Variants in RBFOX1 observed in about 807,000 individuals in gnomAD.
The protein encoded by RBFOX1 is RNA binding protein fox-1 homolog 1.
In RBFOX1, 8 loss-of-function variants were observed where a neutral mutation model predicts 57.7. That is an observed-to-expected ratio of 0.14 (90% confidence interval 0.08 to 0.25). The LOEUF is 0.25. Ranked by LOEUF, RBFOX1 falls within the 10% of genes least tolerant of loss-of-function variation. RBFOX1 has a pLI of 1.00. For missense variants in RBFOX1, 611 were observed against 548.5 expected (o/e 1.11, Z -1.14); for synonymous variants, 326 against 222.4 (o/e 1.47, Z -4.15).
In RBFOX1 at chr16:6,955,434, C is replaced by T. The variant is rs529238500; in HGVS notation, c.-15-96623C>T. ...GACTTACTGATTAATTTTATGAGAACGTTGTTCTGTGTTCCACTGGTTAGA... is the reference window on the plus strand; with the variant it reads ...GACTTACTGATTAATTTTATGAGAATGTTGTTCTGTGTTCCACTGGTTAGA... On this transcript the variant is annotated intron_variant, in intron 3 of 15. Coordinates refer to ENST00000550418, the MANE Select transcript of RBFOX1 (RefSeq NM_018723.4). 6.6e-5 allele frequency among the ~76,000 whole-genome samples: 10 copies of T among 151,822 alleles called. No individual in the cohort carries two copies. The South Asian group carries it at 2.1e-3, about 32-fold the overall frequency.
intron 4 of RBFOX1, among the ~76,000 whole-genome samples, chr16:7,196,138 G>A (rs1168109666): frequency 6.6e-6 from 1 of 152,032 alleles, no homozygotes; most frequent in Non-Finnish European, 1.5e-5. Flanking sequence ...TTTTTCTAAA[G>A]GAAGTAAAGG....
intron 3 of RBFOX1, among the ~76,000 whole-genome samples, chr16:6,835,980 C>G (rs34883663): frequency 2.6e-5 from 4 of 152,020 alleles, no homozygotes; most frequent in African/African-American, 9.6e-5. Flanking sequence ...AAAGTGTCAT[C>G]TGGTCACATC....
At chr16:6,593,493 G>C (rs976386570) in intron 2 of RBFOX1, among the ~76,000 whole-genome samples, 1 of 152,152 alleles carries the variant, frequency 6.6e-6, no homozygotes, top group Non-Finnish European at 1.5e-5. Context: ...TTGTACTAGA[G>C]GGAGAATTGA....
Position 6,892,929 on chromosome 16 carries a change from C to T in RBFOX1, c.-15-159128C>T, listed in dbSNP as rs553370910. Among the ~76,000 whole-genome samples, 20 of 152,010 alleles carry T rather than the reference C, an allele frequency of 1.3e-4. No homozygotes were observed. In the East Asian group the frequency reaches 1.4e-3, roughly 10 times the overall value. On this transcript the variant is annotated intron_variant, in intron 3 of 15. Transcript: ENST00000550418. Reference sequence around the variant, plus strand: ...AGTCTTTGCTCCTCAGCTATTCTTGCGTGTGTGGCGCTGGCTCCTGCTCTG... The same window carrying T: ...AGTCTTTGCTCCTCAGCTATTCTTGTGTGTGTGGCGCTGGCTCCTGCTCTG...
chr16:6,434,400 G>C (rs893364224), intron 2 of RBFOX1, among the ~76,000 whole-genome samples: 1 of 151,990 alleles, frequency 6.6e-6, no homozygotes, highest in Non-Finnish European at 1.5e-5. Flanking sequence ...GGCCATGAAG[G>C]CTCCTCAGCC....
chr16:7,419,319 C>T (rs949926268), intron 4 of RBFOX1, among the ~76,000 whole-genome samples: 3 of 152,176 alleles, frequency 2.0e-5, no homozygotes, highest in African/African-American at 7.2e-5. Flanking sequence ...CTCCCCTTAG[C>T]TGGGCATCAA....
chr16:7,473,560 G>A (rs1478116443), intron 4 of RBFOX1, among the ~76,000 whole-genome samples: 2 of 150,522 alleles, frequency 1.3e-5, no homozygotes, highest in Non-Finnish European at 1.5e-5. Flanking sequence ...AGTATTTAGC[G>A]AAAGCAGTTT....
intron 3 of RBFOX1, among the ~76,000 whole-genome samples, chr16:5,817,036 C>T (rs996920765): frequency 6.6e-6 from 1 of 152,198 alleles, no homozygotes; most frequent in Non-Finnish European, 1.5e-5. Flanking sequence ...AGGAGATCCA[C>T]CCACCTCCAG....
intron 1 of RBFOX1, among the ~76,000 whole-genome samples, chr16:6,263,800 C>T (rs2097716360): frequency 6.6e-6 from 1 of 152,140 alleles, no homozygotes; most frequent in Non-Finnish European, 1.5e-5. Context: ...ATTGGAAGCA[C>T]CACTCCATCT....
intron 3 of RBFOX1, among the ~76,000 whole-genome samples, chr16:6,808,820 A>T (rs892663067): frequency 6.6e-6 from 1 of 152,078 alleles, no homozygotes; most frequent in African/African-American, 2.4e-5. Flanking sequence ...AATATCTCTA[A>T]TTCATAGAAA....
At chr16:6,072,099 G>C (rs998176257) in intron 1 of RBFOX1, among the ~76,000 whole-genome samples, 17 of 152,170 alleles carry the variant, frequency 1.1e-4, no homozygotes, top group Admixed American at 9.2e-4. Context: ...CATGGCTGAA[G>C]GTGAAGGAGG....
rs966846462 is a variant in RBFOX1 at position 6,857,877 on chromosome 16, C to G, written c.-15-194180C>G. ...GCTCAGTTACCATTTAGCAACCTGT[C>G]AAATCCTGAGCTAATGAGCCTATCC... On this transcript the variant is annotated intron_variant, in intron 3 of 15. Coordinates refer to ENST00000550418, the MANE Select transcript of RBFOX1 (RefSeq NM_018723.4). 2.6e-5 allele frequency among the ~76,000 whole-genome samples: 4 copies of G among 152,166 alleles called. No homozygotes were observed. In the East Asian group the frequency reaches 5.8e-4, roughly 22 times the overall value.
At chr16:5,793,237 G>A (rs1053818468) in intron 3 of RBFOX1, among the ~76,000 whole-genome samples, 2 of 152,208 alleles carry the variant, frequency 1.3e-5, no homozygotes, top group African/African-American at 4.8e-5. Flanking sequence ...GTGCTGACCG[G>A]CTCCTTTTGC....
chr16:6,180,760 T>C (rs2097056781), intron 1 of RBFOX1, among the ~76,000 whole-genome samples: 1 of 152,170 alleles, frequency 6.6e-6, no homozygotes, highest in East Asian at 1.9e-4. Flanking sequence ...GAGATGGGGT[T>C]TCACCGGGTT....
chr16:6,490,787 G>A (rs116806496), intron 2 of RBFOX1, among the ~76,000 whole-genome samples: 1,737 of 152,286 alleles, frequency 0.011, 39 homozygotes, highest in African/African-American at 0.038. Context: ...ATCCATTACT[G>A]TTCTTTATAT....
chr16:6,817,729 A>T (rs112480899), intron 3 of RBFOX1, among the ~76,000 whole-genome samples: 43 of 152,074 alleles, frequency 2.8e-4, no homozygotes, highest in African/African-American at 1.0e-3. Flanking sequence ...AACAAAAAAA[A>T]CTACCAACAG....
intron 3 of RBFOX1, among the ~76,000 whole-genome samples, chr16:6,827,045 G>A (rs1374485159): frequency 1.3e-5 from 2 of 152,146 alleles, no homozygotes; most frequent in East Asian, 1.9e-4. Flanking sequence ...CAGTTTGGGG[G>A]CAGGCTTTGG....
chr16:7,473,217 A>G (rs2061921227), intron 4 of RBFOX1, among the ~76,000 whole-genome samples: 1 of 151,966 alleles, frequency 6.6e-6, no homozygotes, highest in South Asian at 2.1e-4. Flanking sequence ...ATTTCTACTA[A>G]AAACACAAAA....
intron 4 of RBFOX1, among the ~76,000 whole-genome samples, chr16:5,981,593 T>C (rs1056386872): frequency 1.3e-5 from 2 of 152,096 alleles, no homozygotes; most frequent in African/African-American, 4.8e-5. Context: ...TTCAGCCTCA[T>C]GAGTAGCTGG....
Sources: gnomAD v4.1 joint callset for allele counts (sites outside exome capture counted in the v4.1 genomes callset) on GRCh38, gnomAD v4.1.1 for gene constraint, MANE v1.5 for transcripts, NCBI Gene and HGNC (gene_info 2026-07-23, HGNC 2026-07-21) for gene names.